The following PHF23 variants were observed in gnomAD, a reference collection of about 807,000 sequenced individuals.
PHF23 encodes PHD finger protein 23.
In PHF23, 3 loss-of-function variants were observed where a neutral mutation model predicts 36.0. The ratio of observed to expected loss-of-function variants is 0.08; its 90% CI spans 0.04 to 0.22. The LOEUF (loss-of-function observed/expected upper bound fraction) is 0.22. Ranked by LOEUF, PHF23 falls within the 10% of genes least tolerant of loss-of-function variation. The pLI is 1.00. For synonymous variants in PHF23, 242 were observed against 192.5 expected, an observed-to-expected ratio of 1.26 and a Z score of -2.13; for missense variants, 475 against 513.6, an observed-to-expected ratio of 0.92 and a Z score of 0.73.
In PHF23 at chr17:7,236,113, C is replaced by G. The variant is rs375427101; in HGVS notation, c.814G>C (p.Val272Leu). ...TCAGGGGGTGTTGGCAGCACAGGGACTGGGGCTTCACCCCCTACCACTGTT... is the reference window on the plus strand; with the variant it reads ...TCAGGGGGTGTTGGCAGCACAGGGAGTGGGGCTTCACCCCCTACCACTGTT... ...MATVVGGEAPVPVLPTPPEAP... is the reference protein window; with the variant it reads ...MATVVGGEAPLPVLPTPPEAP... The change falls in exon 4 of 5, where the codon GTC (valine) becomes CTC (leucine). Residue 272 changes from valine (V) to leucine (L), a missense_variant. Transcript: ENST00000320316. This position sits in a 1 kb window ranked among gnomAD's most constrained non-coding sequence, Gnocchi z 5.1. The G allele has an allele frequency of 5.6e-6, 9 of 1,612,006 alleles. No homozygotes were observed. In the African/African-American group the frequency reaches 1.1e-4, roughly 19 times the overall value.
Position 7,237,568 on chromosome 17 carries a change from A to AGGGGGGC in PHF23, c.66+54_66+60dup, listed in dbSNP as rs2071694598. ...ACAGTCCCTAAGTGAGGTCTAGAAA[A>AGGGGGGC]GGGGGGCGGGGGGCGTTGTCAGGCA... On this transcript the variant is annotated intron_variant, in intron 2 of 4. Coordinates refer to ENST00000320316, the MANE Select transcript of PHF23 (RefSeq NM_024297.3). 6 of 1,564,418 alleles carry AGGGGGGC rather than the reference A, an allele frequency of 3.8e-6. No individual in the cohort carries two copies. In the South Asian group the frequency reaches 5.5e-5, roughly 14 times the overall value.
chr17:7,239,015 C>T lies in PHF23; in HGVS notation c.34+231G>A, dbSNP rs2071740466. 5.6e-6 allele frequency: 8 copies of T among 1,440,154 alleles called. No individual in the cohort carries two copies. In the South Asian group the frequency reaches 7.1e-5, roughly 13 times the overall value. The allele number at this position is 1,440,154 out of a possible 1,614,324, so 89.2% of individuals were successfully genotyped here. A position where few individuals can be genotyped will look rare whatever the true frequency, so the allele number is the denominator to read the frequency against. ...AACCCCCGAGGCTCCGGGTTTCAAG[C>T]TCCTATCCCCCGCACCCCCACACCG... On this transcript the variant is annotated intron_variant, in intron 1 of 4. Transcript: ENST00000320316.
At position 7,236,535 on chromosome 17, in the gene PHF23, ATCT is replaced by A; in HGVS notation, c.389_391del (p.Lys130del). 6.2e-7 allele frequency: 1 copy of A among 1,614,166 alleles called. No homozygotes were observed. The highest frequency in any genetic ancestry group is 8.5e-7 in the Non-Finnish European group (1 of 1,180,038). ...ATCAAAGAGAGAGTCCTTGAGCTTC[ATCT>A]TCTCAAGCAAGGTAGCACTGTCGGG... is the stretch of plus-strand genomic sequence containing the variant. On this transcript the variant is annotated inframe_deletion, in exon 4 of 5. Transcript: ENST00000320316. The surrounding 1 kb of genome is among the most constrained non-coding windows in gnomAD (Gnocchi z 5.1).
intron 2 of PHF23, 63 bp downstream of exon 2, chr17:7,237,566 A>G (rs1253371398): frequency 1.3e-6 from 2 of 1,489,698 alleles, no homozygotes; most frequent in East Asian, 5.8e-5. Flanking sequence ...GAGGTCTAGA[A>G]AAGGGGGGCG....
chr17:7,239,204 GC>G (rs778055735), intron 1 of PHF23, 41 bp downstream of exon 1: 38 of 1,365,704 alleles, frequency 2.8e-5, no homozygotes, highest in Non-Finnish European at 3.7e-5. Context: ...TTCCTCGCCC[GC>G]CCCCCGCCGG....
In PHF23 at chr17:7,236,112, A is replaced by G; in HGVS notation, c.815T>C (p.Val272Ala). Residue 272 changes from valine to alanine, a missense_variant, in exon 4 of 5, where the codon GTC becomes GCC. Around this residue, in one of 5 missense-constraint regions of PHF23, gnomAD observed 350 missense variants for 319.8 expected, o/e 1.09. Coordinates refer to ENST00000320316, the MANE Select transcript of PHF23 (RefSeq NM_024297.3). The surrounding 1 kb of genome is among the most constrained non-coding windows in gnomAD (Gnocchi z 5.1). ...CTCAGGGGGTGTTGGCAGCACAGGGACTGGGGCTTCACCCCCTACCACTGT... is the reference window on the plus strand; with the variant it reads ...CTCAGGGGGTGTTGGCAGCACAGGGGCTGGGGCTTCACCCCCTACCACTGT... ...MATVVGGEAP[V>A]PVLPTPPEAP... 1 of 1,612,058 alleles carries G rather than the reference A, an allele frequency of 6.2e-7. No individual in the cohort carries two copies. Among genetic ancestry groups the G allele is most frequent in the Non-Finnish European group, 8.5e-7 (1 of 1,179,122 alleles).
rs985192301 is a variant in PHF23 at position 7,236,633 on chromosome 17, C to T, written c.294G>A (p.Lys98=). The change falls in exon 4 of 5, where the codon AAG becomes AAA. Residue 98 remains lysine (K), a synonymous_variant. Transcript: ENST00000320316. This position sits in a 1 kb window ranked among gnomAD's most constrained non-coding sequence, Gnocchi z 5.1. ...QTFVKKAKSS[K]RRAAQAGPTQ... ...TGGGACCTGCTTGAGCTGCCCTTCTCTTGGATGACTTTGCTTTCTTAACAA... is the reference window on the plus strand; with the variant it reads ...TGGGACCTGCTTGAGCTGCCCTTCTTTTGGATGACTTTGCTTTCTTAACAA... 1 of 1,614,160 alleles carries T rather than the reference C, an allele frequency of 6.2e-7. No individual in the cohort carries two copies. The highest frequency in any genetic ancestry group is 8.5e-7 in the Non-Finnish European group (1 of 1,180,026).
At position 7,239,339 on chromosome 17, in the gene PHF23, C is replaced by A. The variant is rs909269290; in HGVS notation, c.-60G>T. On this transcript the variant is annotated 5_prime_UTR_variant, in exon 1 of 5. Transcript: ENST00000320316. ...TCCCCGGAGCCGGGGATCCCGGTGC[C>A]GCCTCTAGTGCTCGATGCTCCCACT... 2 of 853,592 alleles carry A rather than the reference C, an allele frequency of 2.3e-6. No individual in the cohort carries two copies. The highest frequency in any genetic ancestry group is 3.8e-6 in the Non-Finnish European group (2 of 520,702). 52.9% of individuals were successfully genotyped at this position (853,592 alleles called of 1,614,324 possible).
intron 1 of PHF23, chr17:7,238,761 C>T (rs1419158215): frequency 6.5e-7 from 1 of 1,533,094 alleles, no homozygotes; most frequent in Admixed American, 2.0e-5. Context: ...CAGACCCCCT[C>T]TTCTCCCCAC....
Position 7,236,144 on chromosome 17 carries a change from C to T in PHF23, c.783G>A (p.Glu261=), listed in dbSNP as rs1040846567. Residue 261 remains glutamate (E), a synonymous_variant, in exon 4 of 5, where the codon GAG becomes GAA. Coordinates refer to ENST00000320316, the MANE Select transcript of PHF23 (RefSeq NM_024297.3). This position sits in a 1 kb window ranked among gnomAD's most constrained non-coding sequence, Gnocchi z 5.1. ...CTTCACCCCCTACCACTGTTGCCAT[C>T]TCTTCTTCTTCTTCCTCTTCCTCCT... ...EEEEEEEEEE[E]MATVVGGEAP... is the part of the protein sequence containing the mutation. The T allele has an allele frequency of 6.2e-7, 1 of 1,610,288 alleles. No individual in the cohort carries two copies. Among genetic ancestry groups the T allele is most frequent in the Admixed American group, 1.7e-5 (1 of 59,644 alleles).
At position 7,235,638 on chromosome 17, in the gene PHF23, A is replaced by T. The variant is rs752841426; in HGVS notation, c.1200T>A (p.Ser400=). 10 of 1,613,588 alleles carry T rather than the reference A, an allele frequency of 6.2e-6. No homozygotes were observed. The highest frequency in any genetic ancestry group is 5.9e-6 in the Non-Finnish European group (7 of 1,180,000). ...EARRLGGPPK[S]GEP is the part of the protein sequence containing the mutation. ...AAAGTTGGTGCCATCAGGGCTCTCC[A>T]GATTTGGGAGGCCCCCCTAACCGCC... The change falls in exon 5 of 5, where the codon TCT becomes TCA. Residue 400 remains serine (S), a synonymous_variant. Transcript: ENST00000320316.
At chr17:7,238,883 C>T in intron 1 of PHF23, 1 of 1,533,708 alleles carries the variant, frequency 6.5e-7, no homozygotes, top group Admixed American at 2.0e-5. Context: ...CCGGGCCCCT[C>T]ACTCAGCCTC....
intron 1 of PHF23, chr17:7,238,507 A>G: frequency 1.6e-6 from 1 of 631,262 alleles, no homozygotes; most frequent in Non-Finnish European, 1.8e-6. Context: ...CCCCCCAACC[A>G]GCCACTCTCT....
At position 7,239,352 on chromosome 17, in the gene PHF23, C is replaced by T. The variant is rs1401426947; in HGVS notation, c.-73G>A. ...GGATCCCGGTGCCGCCTCTAGTGCT[C>T]GATGCTCCCACTGCTTCGCTCCACA... On this transcript the variant is annotated 5_prime_UTR_variant, in exon 1 of 5. Transcript: ENST00000320316. The T allele has an allele frequency of 1.3e-5, 10 of 765,032 alleles. No individual in the cohort carries two copies. In the South Asian group the frequency reaches 1.4e-4, roughly 10 times the overall value. 47.4% of individuals were successfully genotyped at this position (765,032 alleles called of 1,614,324 possible). A position where few individuals can be genotyped will look rare whatever the true frequency, so the allele number is the denominator to read the frequency against.
In PHF23 at chr17:7,235,755, C is replaced by G; in HGVS notation, c.1083G>C (p.Thr361=). 1 of 1,614,120 alleles carries G rather than the reference C, an allele frequency of 6.2e-7. No homozygotes were observed. The highest frequency in any genetic ancestry group is 8.5e-7 in the Non-Finnish European group (1 of 1,180,042). The change falls in exon 5 of 5, where the codon ACG becomes ACC. Residue 361 remains threonine, a synonymous_variant. Coordinates refer to ENST00000320316, the MANE Select transcript of PHF23 (RefSeq NM_024297.3). ...TCTTAGCACAGGAGAGGTGGATCCA[C>G]GTCCCACACAGGCTGCACTCAATCA... The part of the protein sequence containing the change: ...RPMIECSLCG[T]WIHLSCAKIK...
chr17:7,236,297 T>C lies in PHF23; in HGVS notation c.630A>G (p.Glu210=). ...TGCTCTTCTTGATTCGAGATCTCTT[T>C]TCCCCATCCCCAGGAGTTGGCCGAG... The part of the protein sequence containing the change: ...RRPRPTPGDG[E]KRSRIKKSKK... The change falls in exon 4 of 5, where the codon GAA becomes GAG. Residue 210 remains glutamate (E), a synonymous_variant. Transcript: ENST00000320316. This position sits in a 1 kb window ranked among gnomAD's most constrained non-coding sequence, Gnocchi z 5.1. 2 of 1,613,950 alleles carry C rather than the reference T, an allele frequency of 1.2e-6. No individual in the cohort carries two copies. The highest frequency in any genetic ancestry group is 1.7e-6 in the Non-Finnish European group (2 of 1,179,908).
Position 7,235,998 on chromosome 17 carries a change from T to C in PHF23, c.929A>G (p.Gln310Arg). The C allele has an allele frequency of 6.2e-7, 1 of 1,613,818 alleles. No homozygotes were observed. Among genetic ancestry groups the C allele is most frequent in the East Asian group, 2.2e-5 (1 of 44,882 alleles). ...SKEVGSTETS[Q>R]DGDASSSEGE... ...TTCACTGGAGCTGGCATCTCCATCT[T>C]GGCTTGTTTCAGTGCTGCCCACCTC... Residue 310 changes from glutamine (Q) to arginine (R), a missense_variant, in exon 4 of 5, where the codon CAA becomes CGA. By Grantham distance (43) the Gln-to-Arg change is conservative. Around this residue, in one of 5 missense-constraint regions of PHF23, gnomAD observed 40 missense variants for 111.0 expected, o/e 0.36. Transcript: ENST00000320316.
Position 7,236,566 on chromosome 17 carries a change from C to A in PHF23, c.361G>T (p.Ala121Ser). ...TCAAGCAAGGTAGCACTGTCGGGGG[C>A]CTGCAGACGAGAGAAAGTGGACCTT... ...PPRSTFSRLQAPDSATLLEKM... is the reference protein window; with the variant it reads ...PPRSTFSRLQSPDSATLLEKM... Residue 121 changes from alanine to serine, a missense_variant, in exon 4 of 5, where the codon GCC becomes TCC. By Grantham distance (99) the Ala-to-Ser change is moderately conservative. This residue lies in a region of PHF23 where 350 missense variants were observed against 319.8 expected (regional missense o/e 1.09). Coordinates refer to ENST00000320316, the MANE Select transcript of PHF23 (RefSeq NM_024297.3). This position sits in a 1 kb window ranked among gnomAD's most constrained non-coding sequence, Gnocchi z 5.1. 1.2e-6 allele frequency: 2 copies of A among 1,614,150 alleles called. No homozygotes were observed. Among genetic ancestry groups the A allele is most frequent in the Non-Finnish European group, 1.7e-6 (2 of 1,180,032 alleles).
At chr17:7,237,699 C>T in intron 1 of PHF23, 39 bp from the exon 2 acceptor site, 3 of 1,610,782 alleles carry the variant, frequency 1.9e-6, no homozygotes, top group South Asian at 1.1e-5. Context: ...ACACTAGGAA[C>T]AATCTGTGTA....
Sources: allele counts gnomAD v4.1 joint callset, GRCh38; gene constraint gnomAD v4.1.1; regional missense constraint gnomAD v4.1.1; non-coding constraint Gnocchi (gnomAD v3.1); transcripts MANE v1.5; gene names NCBI Gene and HGNC (gene_info 2026-07-23, HGNC 2026-07-21).